The following NUGGC variants were observed in gnomAD, a reference collection of about 807,000 sequenced individuals.
NUGGC encodes the protein nuclear GTPase SLIP-GC.
In NUGGC, 58 loss-of-function variants were observed where a neutral mutation model predicts 92.6. The ratio of observed to expected loss-of-function variants is 0.63; its 90% confidence interval spans 0.51 to 0.78. NUGGC has a LOEUF of 0.78. NUGGC is among the 30% of genes least tolerant of loss of function. The pLI is 0.00. For missense variants in NUGGC, 925 were observed against 964.6 expected, an observed-to-expected ratio of 0.96 and a Z score of 0.54; for synonymous variants, 376 against 366.4, an observed-to-expected ratio of 1.03 and a Z score of -0.30.
At chr8:28,048,860 C>CA (rs60050826) in intron 10 of NUGGC, among the ~76,000 whole-genome samples, 1,192 of 109,226 alleles carry the variant, frequency 0.011, 27 homozygotes, top group African/African-American at 0.024. Context: ...GATTCCATCT[C>CA]AAAAAAAAAA....
intron 15 of NUGGC, 55 bp downstream of exon 15, chr8:28,031,188 T>A: frequency 6.2e-7 from 1 of 1,604,278 alleles, no homozygotes; most frequent in Non-Finnish European, 8.5e-7. Context: ...AAAACTGGCC[T>A]GGGAAGAAAG....
At chr8:28,055,511 G>T (rs917155219) in intron 10 of NUGGC, among the ~76,000 whole-genome samples, 5 of 152,150 alleles carry the variant, frequency 3.3e-5, no homozygotes, top group African/African-American at 1.2e-4. Context: ...TGAGAAAATG[G>T]TGCCTCAGAG....
chr8:28,073,005 A>ATT (rs5890399), intron 2 of NUGGC, among the ~76,000 whole-genome samples: 5 of 140,810 alleles, frequency 3.6e-5, no homozygotes, highest in Admixed American at 7.1e-5. Flanking sequence ...GACTGTTGAA[A>ATT]TTTTTTTTTT....
rs150103633 is a variant in NUGGC, at chr8:28,051,569, C to T, written c.1207-3957G>A. On this transcript the variant is annotated intron_variant, in intron 10 of 18. Transcript: ENST00000413272. ...GCACAAAAATCCTGTCAGGTCAAAT[C>T]AGGCAGTAAAACTTTGTGAATTAGG... 8.2e-3 allele frequency among the ~76,000 whole-genome samples: 1,249 copies of T among 152,278 alleles called. 19 individuals are homozygous for T. Among genetic ancestry groups the T allele is most frequent in the African/African-American group, 0.029 (1,220 of 41,550 alleles).
In NUGGC at chr8:28,023,264, T is replaced by G; in HGVS notation, c.*53A>C. On this transcript the variant is annotated 3_prime_UTR_variant, in exon 19 of 19. Coordinates refer to ENST00000413272, the MANE Select transcript of NUGGC (RefSeq NM_001010906.2). Reference sequence around the variant, plus strand: ...CTCTTAAGAACAAAAAAAGTAATTCTAATTCTCTGGCTCTGGGCTGATTTT... The same window carrying G: ...CTCTTAAGAACAAAAAAAGTAATTCGAATTCTCTGGCTCTGGGCTGATTTT... 1 of 1,557,494 alleles carries G rather than the reference T, an allele frequency of 6.4e-7. No individual in the cohort carries two copies. Among genetic ancestry groups the G allele is most frequent in the Admixed American group, 1.9e-5 (1 of 51,364 alleles).
At chr8:28,067,462 G>C in intron 6 of NUGGC, 52 bp downstream of exon 6, 1 of 1,204,206 alleles carries the variant, frequency 8.3e-7, no homozygotes, top group Non-Finnish European at 1.2e-6. Flanking sequence ...AGGTTCAACT[G>C]TTAGACTTGA....
rs528916786 is a variant in NUGGC, at chr8:28,029,681, G to A, written c.2018-279C>T. Among the ~76,000 whole-genome samples the A allele has an allele frequency of 1.3e-4, 20 of 152,154 alleles. 1 individual carries two copies. In the South Asian group the frequency reaches 3.3e-3, roughly 25 times the overall value. On this transcript the variant is annotated intron_variant, in intron 16 of 18. Transcript: ENST00000413272. The stretch of plus-strand genomic sequence containing the variant: ...CGAGAATCGCTTCAACCCAGGAGGC[G>A]GAGGTTGGAGTGAGCTGAGATCGCT...
intron 3 of NUGGC, 89 bp downstream of exon 3, chr8:28,070,163 T>G: frequency 6.8e-7 from 1 of 1,479,986 alleles, no homozygotes. Flanking sequence ...TCATCCAGCT[T>G]CAGAATTTAA....
intron 18 of NUGGC, among the ~76,000 whole-genome samples, chr8:28,023,997 A>G (rs1809186017): frequency 6.6e-6 from 1 of 152,042 alleles, no homozygotes. Flanking sequence ...TTTGGATGAG[A>G]TTCACATTTA....
intron 18 of NUGGC, 51 bp downstream of exon 18, chr8:28,026,911 G>A: frequency 7.9e-7 from 1 of 1,262,896 alleles, no homozygotes; most frequent in Non-Finnish European, 1.2e-6. Context: ...AGTAACCACA[G>A]CCAGGGCTGT....
intron 3 of NUGGC, 81 bp from the exon 4 acceptor site, chr8:28,069,733 C>A: frequency 2.5e-6 from 2 of 814,142 alleles, no homozygotes; most frequent in Middle Eastern, 2.2e-4. Context: ...GTCTGTTGAA[C>A]ATCGCAGAGA....
intron 10 of NUGGC, among the ~76,000 whole-genome samples, chr8:28,049,444 A>T (rs1309225022): frequency 6.6e-6 from 1 of 152,262 alleles, no homozygotes; most frequent in African/African-American, 2.4e-5. Context: ...CTGTGTCCAG[A>T]TGTTTGCATT....
At chr8:28,082,257 C>T (rs1219486868) in intron 1 of NUGGC, among the ~76,000 whole-genome samples, 2 of 152,182 alleles carry the variant, frequency 1.3e-5, no homozygotes, top group Non-Finnish European at 1.5e-5. Flanking sequence ...CAGAAGCAGT[C>T]GTAGTAGAAG....
rs192970873 is a variant in NUGGC at position 28,036,159 on chromosome 8, C to A, written c.1612-2462G>T. 2.0e-5 allele frequency among the ~76,000 whole-genome samples: 3 copies of A among 152,308 alleles called. No individual in the cohort carries two copies. In the East Asian group the frequency reaches 5.8e-4, roughly 29 times the overall value. ...AAAGTGCTGGGATTACAGGCATGAG[C>A]CACTGCACTCAGCCTTAACAAACTT... On this transcript the variant is annotated intron_variant, in intron 13 of 18. Transcript: ENST00000413272.
intron 10 of NUGGC, 39 bp downstream of exon 10, chr8:28,055,926 G>A (rs1810121612): frequency 8.7e-7 from 1 of 1,151,006 alleles, no homozygotes; most frequent in African/African-American, 1.5e-5. Flanking sequence ...TCTAGTTGCT[G>A]GGATACAGAA....
At chr8:28,059,660 A>C (rs974230837) in intron 8 of NUGGC, among the ~76,000 whole-genome samples, 2 of 152,186 alleles carry the variant, frequency 1.3e-5, no homozygotes, top group African/African-American at 4.8e-5. Flanking sequence ...GTACCCTGGA[A>C]CTTAAAATAA....
At chr8:28,078,895 A>G (rs1260545676) in intron 1 of NUGGC, among the ~76,000 whole-genome samples, 1 of 152,180 alleles carries the variant, frequency 6.6e-6, no homozygotes, top group Non-Finnish European at 1.5e-5. Context: ...TAACAGTCCA[A>G]ATTTATTGCT....
At chr8:28,082,862 T>C (rs1810884706) in intron 1 of NUGGC, among the ~76,000 whole-genome samples, 1 of 152,086 alleles carries the variant, frequency 6.6e-6, no homozygotes, top group Admixed American at 6.5e-5. Flanking sequence ...GCCATGTTCA[T>C]ACCACTGCAC....
At chr8:28,057,865 T>G (rs1054166677) in intron 9 of NUGGC, among the ~76,000 whole-genome samples, 1 of 152,184 alleles carries the variant, frequency 6.6e-6, no homozygotes, top group Non-Finnish European at 1.5e-5. Context: ...AAGAGCCAAC[T>G]GTAATATCAG....
Sources: allele counts gnomAD v4.1 joint callset (sites outside exome capture counted in the v4.1 genomes callset), GRCh38; gene constraint gnomAD v4.1.1; transcripts MANE v1.5; gene names NCBI Gene and HGNC (gene_info 2026-07-23, HGNC 2026-07-21).